The following RAB27B variants were observed in gnomAD, a reference collection of about 807,000 sequenced individuals.
RAB27B encodes the protein ras-related protein Rab-27B.
RAB27B carries 15 observed loss-of-function variants against 24.6 expected under a neutral mutation model. The observed-to-expected ratio is 0.61, with a 90% CI of 0.41 to 0.94. RAB27B has a LOEUF of 0.94. Among genes scored for constraint, RAB27B ranks in the 40% least tolerant of loss-of-function variants. The pLI, the probability that RAB27B is intolerant of heterozygous loss-of-function variation, is 0.00. For synonymous variants in RAB27B, 105 were observed against 92.5 expected (o/e 1.14, Z -0.78); for missense variants, 261 against 266.8 (o/e 0.98, Z 0.15).
rs1913492537 is a variant in RAB27B at position 54,894,486 on chromosome 18, C to A, written c.*5073C>A. 1 of 151,972 alleles carries A rather than the reference C, an allele frequency of 6.6e-6. No homozygotes were observed. Among genetic ancestry groups the A allele is most frequent in the Admixed American group, 6.6e-5 (1 of 15,246 alleles). 9.4% of individuals were successfully genotyped at this position (151,972 alleles called of 1,614,324 possible). On this transcript the variant is annotated 3_prime_UTR_variant, in exon 6 of 6. Coordinates refer to ENST00000262094, the MANE Select transcript of RAB27B (RefSeq NM_004163.4). ...TTGGCATATCAAAATGGTTTCTGTT[C>A]CTAGAAAAGTAATAACATATGCTTA...
intron 2 of RAB27B, among the ~76,000 whole-genome samples, chr18:54,779,967 C>T (rs1160171439): frequency 6.6e-6 from 1 of 150,586 alleles, no homozygotes; most frequent in Admixed American, 6.6e-5. Flanking sequence ...ACGGCTTCCT[C>T]CTCACCGTGT....
Position 54,805,857 on chromosome 18 carries a change from A to G in RAB27B, c.-19-71710A>G, listed in dbSNP as rs370937106. 7.7e-4 allele frequency among the ~76,000 whole-genome samples: 118 copies of G among 152,338 alleles called. No individual in the cohort carries two copies. In the East Asian group the frequency reaches 0.015, roughly 19 times the overall value. ...ATAAAAATGCCTCAGAGAAGCATTT[A>G]ATTTTTATTCCACTGGAAATTATAA... On this transcript the variant is annotated intron_variant, in intron 2 of 4. Coordinates refer to the RAB27B transcript ENST00000586570.
At chr18:54,749,004 CTTA>C (rs1460962065) in intron 2 of RAB27B, among the ~76,000 whole-genome samples, 14 of 151,300 alleles carry the variant, frequency 9.3e-5, no homozygotes, top group African/African-American at 3.2e-4. Context: ...CACGGGTTGT[CTTA>C]TTATGCAGGT....
chr18:54,794,293 A>G (rs759669398), intron 2 of RAB27B, among the ~76,000 whole-genome samples: 16 of 152,188 alleles, frequency 1.1e-4, no homozygotes, highest in Admixed American at 6.5e-5. Flanking sequence ...AGAACTCTCT[A>G]TACACTTTGA....
At chr18:54,806,863 T>C (rs189660124) in intron 2 of RAB27B, among the ~76,000 whole-genome samples, 2 of 152,012 alleles carry the variant, frequency 1.3e-5, no homozygotes, top group Non-Finnish European at 2.9e-5. Context: ...AATGAGTAGG[T>C]TTGAGTAAAT....
intron 2 of RAB27B, among the ~76,000 whole-genome samples, chr18:54,759,646 C>T (rs975260862): frequency 3.3e-5 from 5 of 152,174 alleles, no homozygotes; most frequent in African/African-American, 4.8e-5. Context: ...CCTGTTTTCC[C>T]ATTCAAATGC....
intron 2 of RAB27B, among the ~76,000 whole-genome samples, chr18:54,817,111 G>C (rs899505998): frequency 6.6e-6 from 1 of 152,136 alleles, no homozygotes; most frequent in African/African-American, 2.4e-5. Flanking sequence ...GAGATTCTGT[G>C]TTCTTTTCCT....
chr18:54,735,318 A>C (rs557401447), intron 2 of RAB27B, among the ~76,000 whole-genome samples: 1 of 152,326 alleles, frequency 6.6e-6, no homozygotes, highest in East Asian at 1.9e-4. Context: ...AAAATGAAAT[A>C]TAATGTAAAA....
intron 2 of RAB27B, among the ~76,000 whole-genome samples, chr18:54,746,829 A>G (rs1314879405): frequency 6.6e-6 from 1 of 152,172 alleles, no homozygotes; most frequent in African/African-American, 2.4e-5. Context: ...ATTTCTTATT[A>G]TACTCAATCC....
intron 4 of RAB27B, among the ~76,000 whole-genome samples, chr18:54,886,904 G>A (rs943915996): frequency 5.9e-5 from 9 of 151,808 alleles, no homozygotes; most frequent in Non-Finnish European, 1.0e-4. Context: ...AGACATTAGA[G>A]CAGCCTCTGT....
intron 4 of RAB27B, 106 bp from the exon 5 acceptor site, chr18:54,887,889 A>T: frequency 7.2e-7 from 1 of 1,387,534 alleles, no homozygotes. Flanking sequence ...CTAGTAAGCA[A>T]CCAAACTGGA....
At chr18:54,754,937 T>C (rs1014704693) in intron 2 of RAB27B, among the ~76,000 whole-genome samples, 3 of 152,228 alleles carry the variant, frequency 2.0e-5, no homozygotes, top group African/African-American at 7.2e-5. Flanking sequence ...GTGTCAACTC[T>C]GGCTCTCCTA....
At chr18:54,760,835 C>A (rs1172853071) in intron 2 of RAB27B, among the ~76,000 whole-genome samples, 5 of 152,036 alleles carry the variant, frequency 3.3e-5, no homozygotes, top group Admixed American at 3.3e-4. Context: ...GCCCTGGATT[C>A]TCTCATGGAA....
At chr18:54,884,174 G>A (rs974708055) in intron 3 of RAB27B, among the ~76,000 whole-genome samples, 159 bp from the exon 4 acceptor site, 25 of 152,052 alleles carry the variant, frequency 1.6e-4, no homozygotes, top group African/African-American at 5.8e-4. Context: ...TTCTCTCTTG[G>A]TTCTTCAGCA....
intron 1 of RAB27B, among the ~76,000 whole-genome samples, chr18:54,842,054 A>G (rs1470947100): frequency 6.6e-6 from 1 of 152,230 alleles, no homozygotes; most frequent in Non-Finnish European, 1.5e-5. Context: ...GGAACAAGTT[A>G]GGTCAAATGT....
At chr18:54,797,983 G>C (rs1226405720) in intron 2 of RAB27B, among the ~76,000 whole-genome samples, 2 of 152,034 alleles carry the variant, frequency 1.3e-5, no homozygotes, top group African/African-American at 4.8e-5. Context: ...TAAAGATTCT[G>C]ACTTAATTGA....
At chr18:54,862,766 C>T (rs923793397) in intron 1 of RAB27B, among the ~76,000 whole-genome samples, 4 of 152,150 alleles carry the variant, frequency 2.6e-5, no homozygotes, top group Admixed American at 6.5e-5. Flanking sequence ...GATTGCTTGG[C>T]GGTGCCTGGA....
At chr18:54,785,933 T>C (rs139567268) in intron 2 of RAB27B, among the ~76,000 whole-genome samples, 2 of 152,338 alleles carry the variant, frequency 1.3e-5, no homozygotes, top group Non-Finnish European at 2.9e-5. Context: ...AGGGAAATAT[T>C]GTCCAAGGTT....
At chr18:54,746,127 G>A (rs74988265) in intron 2 of RAB27B, among the ~76,000 whole-genome samples, 1,825 of 152,234 alleles carry the variant, frequency 0.012, 48 homozygotes, top group African/African-American at 0.042. Context: ...GCACTGACAA[G>A]TTTTAGTCTT....
Sources: allele counts gnomAD v4.1 joint callset (sites outside exome capture counted in the v4.1 genomes callset), GRCh38; gene constraint gnomAD v4.1.1; transcripts MANE v1.5; gene names NCBI Gene and HGNC (gene_info 2026-07-23, HGNC 2026-07-21).